The following RNF17 variants were observed in gnomAD, a reference collection of about 807,000 sequenced individuals.
RNF17 encodes the protein ring finger protein 17.
Under a neutral mutation model 200.5 loss-of-function variants are expected in RNF17, and 31 were observed. The observed-to-expected ratio is 0.15, with a 90% confidence interval of 0.12 to 0.21. The LOEUF is 0.21. Among genes scored for constraint, RNF17 ranks in the 10% least tolerant of loss-of-function variants. The pLI is 1.00. For synonymous variants in RNF17, 606 were observed against 637.8 expected (o/e 0.95, Z 0.75); for missense variants, 1,628 against 1,905.1 (o/e 0.85, Z 2.71).
intron 3 of RNF17, among the ~76,000 whole-genome samples, chr13:24,775,848 G>A (rs1881490157): frequency 6.6e-6 from 1 of 152,072 alleles, no homozygotes; most frequent in Non-Finnish European, 1.5e-5. Flanking sequence ...TAAGGGAATG[G>A]ACCACATTTT....
rs1451095954 is a variant in RNF17, at chr13:24,825,726, T to C, written c.2199T>C (p.Cys733=). The change falls in exon 16 of 36, where the codon TGT becomes TGC. Residue 733 remains cysteine (C), a synonymous_variant. Transcript: ENST00000255324. ...TCTGTCCAGTTCAAGATCAAGCCTG[T>C]GTAGCTAAATTTGAAGATGGAATTT... ...EILCPVQDQA[C]VAKFEDGIWY... 1.2e-6 allele frequency: 2 copies of C among 1,613,542 alleles called. No homozygotes were observed. The highest frequency in any genetic ancestry group is 1.7e-6 in the Non-Finnish European group (2 of 1,179,770).
chr13:24,851,277 A>T (rs1891866200), intron 23 of RNF17, among the ~76,000 whole-genome samples, 179 bp from the exon 24 acceptor site: 1 of 152,236 alleles, frequency 6.6e-6, no homozygotes, highest in African/African-American at 2.4e-5. Flanking sequence ...TACAGGCGTG[A>T]GCCACTGCAC....
chr13:24,870,409 T>C (rs1894130678), intron 31 of RNF17, among the ~76,000 whole-genome samples, 162 bp from the exon 32 acceptor site: 1 of 152,114 alleles, frequency 6.6e-6, no homozygotes, highest in African/African-American at 2.4e-5. Context: ...GATCACAAGA[T>C]AAGTGTGGTA....
intron 9 of RNF17, among the ~76,000 whole-genome samples, chr13:24,790,036 G>C (rs1012436809): frequency 6.6e-6 from 1 of 152,082 alleles, no homozygotes; most frequent in African/African-American, 2.4e-5. Context: ...CCTAGATATT[G>C]AGATAAATGT....
chr13:24,796,276 T>A lies in RNF17; in HGVS notation c.1380T>A (p.Pro460=). ...EFCNRSSHLD[P]SDILELGARI... is the part of the protein sequence containing the mutation. ...GCAATAGGAGTTCACACCTTGATCC[T>A]TCAGACATTTTGGAACTAGGTAATG... The change falls in exon 11 of 36, where the codon CCT becomes CCA. Residue 460 remains proline, a synonymous_variant. Transcript: ENST00000255324. 6.3e-7 allele frequency: 1 copy of A among 1,598,094 alleles called. No individual in the cohort carries two copies. Among genetic ancestry groups the A allele is most frequent in the South Asian group, 1.2e-5 (1 of 86,904 alleles).
At position 24,858,976 on chromosome 13, in the gene RNF17, T is replaced by G. The variant is rs199895196; in HGVS notation, c.3611-25T>G. ...ATGATAGGGAATTTTCCTTAATGCT[T>G]TCTATCTTTAATACTTTTTTTCAGA... On this transcript the variant is annotated intron_variant, in intron 25 of 35. Coordinates refer to ENST00000255324, the MANE Select transcript of RNF17 (RefSeq NM_031277.3). 6.2e-6 allele frequency: 9 copies of G among 1,441,608 alleles called. No individual in the cohort carries two copies. In the East Asian group the frequency reaches 2.1e-4, roughly 34 times the overall value. The allele number at this position is 1,441,608 out of a possible 1,614,324, so 89.3% of individuals were successfully genotyped here.
At chr13:24,769,279 G>A (rs1451389382) in intron 2 of RNF17, among the ~76,000 whole-genome samples, 1 of 151,874 alleles carries the variant, frequency 6.6e-6, no homozygotes, top group Non-Finnish European at 1.5e-5. Flanking sequence ...ATAATGTGTA[G>A]GAGTGTTTAT....
At chr13:24,866,593 A>G (rs904197875) in intron 30 of RNF17, among the ~76,000 whole-genome samples, 4 of 152,204 alleles carry the variant, frequency 2.6e-5, no homozygotes, top group African/African-American at 9.6e-5. Context: ...TACATGTTGT[A>G]TATATATCAG....
At chr13:24,876,302 A>G (rs776994003) in intron 33 of RNF17, among the ~76,000 whole-genome samples, 1 of 152,188 alleles carries the variant, frequency 6.6e-6, no homozygotes, top group Non-Finnish European at 1.5e-5. Context: ...CATACAGTAT[A>G]TACTACATCT....
intron 18 of RNF17, 129 bp from the exon 19 acceptor site, chr13:24,841,912 G>T: frequency 1.6e-6 from 1 of 625,336 alleles, no homozygotes; most frequent in East Asian, 3.5e-5. Flanking sequence ...GTTGCAGTGA[G>T]CTGAGATCGT....
intron 5 of RNF17, among the ~76,000 whole-genome samples, chr13:24,780,102 A>T (rs1882144126): frequency 6.6e-6 from 1 of 151,756 alleles, no homozygotes; most frequent in Non-Finnish European, 1.5e-5. Context: ...TCCAAAAGAG[A>T]CTCTCTCATT....
intron 28 of RNF17, among the ~76,000 whole-genome samples, chr13:24,863,747 G>A (rs529191817): frequency 6.6e-6 from 1 of 152,304 alleles, no homozygotes; most frequent in East Asian, 1.9e-4. Flanking sequence ...TGTCTAGACA[G>A]CTTTCACTGC....
chr13:24,833,612 T>G (rs754892272), intron 18 of RNF17, among the ~76,000 whole-genome samples: 2 of 151,154 alleles, frequency 1.3e-5, no homozygotes, highest in African/African-American at 2.4e-5. Context: ...TTGATTCCTC[T>G]TCTTTCTTTC....
At chr13:24,764,646 A>G (rs1463073153) in intron 1 of RNF17, among the ~76,000 whole-genome samples, 1 of 152,216 alleles carries the variant, frequency 6.6e-6, no homozygotes, top group Non-Finnish European at 1.5e-5. Flanking sequence ...GGGTGCATGC[A>G]AAAGTAGACA....
At chr13:24,814,078 T>A (rs1391521435) in intron 15 of RNF17, among the ~76,000 whole-genome samples, 2 of 152,236 alleles carry the variant, frequency 1.3e-5, no homozygotes, top group East Asian at 3.9e-4. Context: ...AATACTGCAT[T>A]CTTAAAGTAA....
Position 24,859,089 on chromosome 13 carries a change from A to G in RNF17, c.3699A>G (p.Glu1233=). 6.2e-7 allele frequency: 1 copy of G among 1,613,404 alleles called. No homozygotes were observed. Among genetic ancestry groups the G allele is most frequent in the Non-Finnish European group, 8.5e-7 (1 of 1,179,514 alleles). ...LLEPYFWKKG[E]ACAVRGSDTL... is the part of the protein sequence containing the mutation. ...AGCCTTATTTCTGGAAAAAAGGAGA[A>G]GCATGTGCAGTAAGAGGATCCGATA... The change falls in exon 26 of 36, where the codon GAA becomes GAG. Residue 1233 remains glutamate (E), a synonymous_variant. Transcript: ENST00000255324.
the RNF17 span, chr13:24,885,882 GT>G: frequency 5.4e-6 from 3 of 558,932 alleles, no homozygotes; most frequent in Non-Finnish European, 9.6e-6. Context: ...TTGTCTCAGA[GT>G]TTACAATCCT....
At chr13:24,834,214 C>G (rs1889719229) in intron 18 of RNF17, among the ~76,000 whole-genome samples, 1 of 151,872 alleles carries the variant, frequency 6.6e-6, no homozygotes. Flanking sequence ...TGAGACCAGC[C>G]TGGCCAACAT....
chr13:24,765,044 C>G (rs1335442847), intron 1 of RNF17, among the ~76,000 whole-genome samples: 3 of 152,144 alleles, frequency 2.0e-5, no homozygotes, highest in Non-Finnish European at 4.4e-5. Context: ...GAGTTGGAGT[C>G]TCGCTCTGTA....
Sources: gnomAD v4.1 joint callset for allele counts (sites outside exome capture counted in the v4.1 genomes callset) on GRCh38, gnomAD v4.1.1 for gene constraint, MANE v1.5 for transcripts, NCBI Gene and HGNC (gene_info 2026-07-23, HGNC 2026-07-21) for gene names.